The following ANXA8 variants were observed in gnomAD, a reference collection of about 807,000 sequenced individuals.
ANXA8 encodes annexin A8.
A neutral mutation model predicts 26.8 loss-of-function variants in ANXA8; 9 were observed. That is an observed-to-expected ratio of 0.34 (90% CI 0.20 to 0.59). ANXA8 has a LOEUF of 0.59. Among genes scored for constraint, ANXA8 ranks in the 20% least tolerant of loss-of-function variants. The pLI is 0.84. For missense variants in ANXA8, 83 were observed against 238.5 expected (o/e 0.35, Z 4.29); for synonymous variants, 39 against 94.8 (o/e 0.41, Z 3.42).
At chr10:47,952,908 T>A in the ANXA8 span, among the ~76,000 whole-genome samples, 13 of 146,912 alleles carry the variant, frequency 8.8e-5, no homozygotes, top group Non-Finnish European at 1.8e-4. Context: ...TAAATGGTGC[T>A]AAAACAAGTG....
At chr10:47,469,356 G>A (rs1336202934) in intron 11 of ANXA8, among the ~76,000 whole-genome samples, 3 of 151,912 alleles carry the variant, frequency 2.0e-5, no homozygotes, top group Non-Finnish European at 4.4e-5. Flanking sequence ...CTGGACCATC[G>A]CACCCTGACG....
the ANXA8 span, among the ~76,000 whole-genome samples, chr10:47,694,460 G>T: frequency 8.3e-6 from 1 of 121,062 alleles, no homozygotes. Context: ...TTGCTCTGTT[G>T]CCCAGGCTGG....
the ANXA8 span, among the ~76,000 whole-genome samples, chr10:47,936,850 C>T: frequency 6.6e-6 from 1 of 152,044 alleles, no homozygotes; most frequent in Non-Finnish European, 1.5e-5. Context: ...CTGAGATTAT[C>T]TCTGTGGATT....
chr10:47,655,761 C>A, the ANXA8 span, among the ~76,000 whole-genome samples: 1 of 151,988 alleles, frequency 6.6e-6, no homozygotes, highest in East Asian at 1.9e-4. Flanking sequence ...TGGCTCATGC[C>A]TGTAATCCCA....
At chr10:47,733,225 T>TTC in the ANXA8 span, among the ~76,000 whole-genome samples, 20 of 58,372 alleles carry the variant, frequency 3.4e-4, no homozygotes, top group Admixed American at 1.4e-3. Flanking sequence ...TTCTTTCTCT[T>TTC]TCTTTCTCTC....
the ANXA8 span, among the ~76,000 whole-genome samples, chr10:47,672,925 G>A: frequency 2.6e-5 from 4 of 151,522 alleles, no homozygotes; most frequent in African/African-American, 9.8e-5. Flanking sequence ...GGATACAAGG[G>A]AGCCTAAATG....
the ANXA8 span, chr10:47,589,244 C>G: frequency 1.4e-5 from 2 of 147,212 alleles, no homozygotes; most frequent in Admixed American, 1.3e-4. Flanking sequence ...TTTGCTCATC[C>G]CAGGACAAAC....
At chr10:47,712,809 TTG>T in the ANXA8 span, among the ~76,000 whole-genome samples, 2 of 106,710 alleles carry the variant, frequency 1.9e-5, no homozygotes, top group Admixed American at 1.0e-4. Flanking sequence ...TTTTGTTTGT[TTG>T]AGACAGAGTT....
chr10:47,962,738 ACACT>A, the ANXA8 span, among the ~76,000 whole-genome samples: 1 of 147,100 alleles, frequency 6.8e-6, no homozygotes, highest in South Asian at 2.3e-4. Flanking sequence ...ATGTGTGTGC[ACACT>A]CACATACACA....
chr10:47,699,301 T>C, the ANXA8 span, among the ~76,000 whole-genome samples: 1 of 120,360 alleles, frequency 8.3e-6, no homozygotes, highest in Non-Finnish European at 1.6e-5. Context: ...TGAGCACCTG[T>C]ACACTGCACT....
chr10:47,554,694 G>A, the ANXA8 span, among the ~76,000 whole-genome samples: 2 of 151,396 alleles, frequency 1.3e-5, no homozygotes, highest in African/African-American at 4.9e-5. Flanking sequence ...TCCTGTCACC[G>A]AGACCCCCAG....
At chr10:47,500,435 A>G in the ANXA8 span, among the ~76,000 whole-genome samples, 1 of 150,066 alleles carries the variant, frequency 6.7e-6, no homozygotes. Context: ...ATCTGGAACC[A>G]TCGGCAGCTG....
the ANXA8 span, among the ~76,000 whole-genome samples, chr10:47,496,487 CTAA>C: frequency 1.3e-5 from 2 of 150,972 alleles, no homozygotes; most frequent in Admixed American, 6.6e-5. Flanking sequence ...ATACATTTAA[CTAA>C]TGTTTAAATA....
chr10:47,675,752 G>T, the ANXA8 span, among the ~76,000 whole-genome samples: 2 of 151,738 alleles, frequency 1.3e-5, no homozygotes, highest in East Asian at 3.8e-4. Context: ...TGTGACCAAA[G>T]GTCAAGAGAA....
chr10:47,513,421 A>G, the ANXA8 span, among the ~76,000 whole-genome samples: 1 of 142,374 alleles, frequency 7.0e-6, no homozygotes, highest in Non-Finnish European at 1.5e-5. Flanking sequence ...ACCCATGCTC[A>G]TGAATGGGTA....
At chr10:47,529,118 C>G in the ANXA8 span, among the ~76,000 whole-genome samples, 2 of 144,442 alleles carry the variant, frequency 1.4e-5, 1 homozygote, top group Admixed American at 1.4e-4. Context: ...ATGCCACAAT[C>G]TCTAAAGAAA....
the ANXA8 span, among the ~76,000 whole-genome samples, chr10:47,733,187 T>TTCTTTCTTTCTTTCTCTCTCTCTC: frequency 1.1e-5 from 1 of 94,220 alleles, no homozygotes; most frequent in African/African-American, 3.3e-5. Context: ...CTTTCTTTCT[T>TTCTTTCTTTCTTTCTCTCTCTCTC]TCTTTCTTTC....
At chr10:47,659,044 T>C in the ANXA8 span, among the ~76,000 whole-genome samples, 1 of 151,506 alleles carries the variant, frequency 6.6e-6, no homozygotes, top group African/African-American at 2.4e-5. Flanking sequence ...GCTGATTTTT[T>C]CTATTTTTAG....
At chr10:47,988,874 A>C in the ANXA8 span, among the ~76,000 whole-genome samples, 1 of 151,740 alleles carries the variant, frequency 6.6e-6, no homozygotes, top group African/African-American at 2.4e-5. Flanking sequence ...CCTGCTATCT[A>C]CTAGGCCCTG....
Sources: allele counts gnomAD v4.1 joint callset (sites outside exome capture counted in the v4.1 genomes callset), GRCh38; gene constraint gnomAD v4.1.1; transcripts MANE v1.5; gene names NCBI Gene and HGNC (gene_info 2026-07-23, HGNC 2026-07-21).